MACROD1: variants seen among roughly 807,000 people sequenced by gnomAD.
MACROD1 encodes mono-ADP ribosylhydrolase 1.
A neutral mutation model predicts 41.4 loss-of-function variants in MACROD1; 31 were observed. That is an observed-to-expected ratio of 0.75 (90% CI 0.56 to 1.01). MACROD1 has a LOEUF of 1.01. Among genes scored for constraint, MACROD1 ranks in the 50% least tolerant of loss-of-function variants. MACROD1 has a pLI of 0.00. For missense variants in MACROD1, 473 were observed against 460.0 expected, an observed-to-expected ratio of 1.03 and a Z score of -0.26; for synonymous variants, 252 against 203.4, an observed-to-expected ratio of 1.24 and a Z score of -2.03.
chr11:64,056,293 C>T (rs1943784214), intron 3 of MACROD1, among the ~76,000 whole-genome samples: 1 of 152,090 alleles, frequency 6.6e-6, no homozygotes, highest in African/African-American at 2.4e-5. Flanking sequence ...AGGGTCCCTG[C>T]TGCAGCCCCT....
In MACROD1 at chr11:64,064,951, G is replaced by C. The variant is rs1943969763; in HGVS notation, c.518-49670C>G. Reference sequence around the variant, plus strand: ...GCAGGAGGGCCACCATGGTGACTGAGACAGACTCAGGGTCTTTCCCTACAC... The same window carrying C: ...GCAGGAGGGCCACCATGGTGACTGACACAGACTCAGGGTCTTTCCCTACAC... On this transcript the variant is annotated intron_variant, in intron 3 of 10. Coordinates refer to ENST00000255681, the MANE Select transcript of MACROD1 (RefSeq NM_014067.4). This position sits in a 1 kb window ranked among gnomAD's most constrained non-coding sequence, Gnocchi z 4.5. 6.6e-6 allele frequency among the ~76,000 whole-genome samples: 1 copy of C among 151,518 alleles called. No individual in the cohort carries two copies. Among genetic ancestry groups the C allele is most frequent in the Non-Finnish European group, 1.5e-5 (1 of 67,884 alleles).
intron 3 of MACROD1, among the ~76,000 whole-genome samples, chr11:64,088,753 G>C (rs1313486084): frequency 6.6e-6 from 1 of 152,158 alleles, no homozygotes. Context: ...AAGAGCACGA[G>C]ATGAACGACA....
chr11:64,039,988 C>A (rs1943454491), intron 3 of MACROD1, among the ~76,000 whole-genome samples: 1 of 152,228 alleles, frequency 6.6e-6, no homozygotes, highest in Non-Finnish European at 1.5e-5. Context: ...CCTGGCTCTT[C>A]TGTTTTCCCT....
intron 4 of MACROD1, among the ~76,000 whole-genome samples, chr11:64,014,007 T>A (rs1484184994): frequency 1.3e-5 from 2 of 151,840 alleles, no homozygotes; most frequent in Non-Finnish European, 1.5e-5. Flanking sequence ...ACACCACAGA[T>A]CACCCTGTGT....
chr11:64,148,058 G>A (rs1244387054), intron 3 of MACROD1, among the ~76,000 whole-genome samples: 1 of 152,114 alleles, frequency 6.6e-6, no homozygotes, highest in Non-Finnish European at 1.5e-5. Flanking sequence ...ATTCTCAATG[G>A]CCTGACGGAG....
At chr11:64,048,112 G>C (rs1294081153) in intron 3 of MACROD1, among the ~76,000 whole-genome samples, 1 of 152,174 alleles carries the variant, frequency 6.6e-6, no homozygotes, top group African/African-American at 2.4e-5. Context: ...GGAGGCAGTG[G>C]GCCCAGAAGC....
In MACROD1 at chr11:64,073,843, C is replaced by T. The variant is rs1401182333; in HGVS notation, c.518-58562G>A. The stretch of plus-strand genomic sequence containing the variant: ...GGAGGGGGGCCCACAGCCCCCAGAG[C>T]CTTGCAGGGCCAGAGATGCAGTTGG... On this transcript the variant is annotated intron_variant, in intron 3 of 10. Transcript: ENST00000255681. 7.2e-5 allele frequency among the ~76,000 whole-genome samples: 11 copies of T among 152,260 alleles called. No individual in the cohort carries two copies. In the East Asian group the frequency reaches 2.1e-3, roughly 29 times the overall value.
rs1945837727 is a variant in MACROD1 at position 64,165,933 on chromosome 11, A to T, written c.62T>A (p.Leu21His). 1 of 1,323,664 alleles carries T rather than the reference A, an allele frequency of 7.6e-7. No individual in the cohort carries two copies. Among genetic ancestry groups the T allele is most frequent in the Admixed American group, 4.1e-5 (1 of 24,200 alleles). 82.0% of individuals were successfully genotyped at this position (1,323,664 alleles called of 1,614,324 possible). The part of the protein sequence containing the change: ...LAQLRAAGQL[L>H]VPPRPRPGHL... Reference sequence around the variant, plus strand: ...TCCGGGCCGGGGGCGCGGGGGGACGAGCAGCTGCCCCGCCGCGCGCAGCTG... The same window carrying T: ...TCCGGGCCGGGGGCGCGGGGGGACGTGCAGCTGCCCCGCCGCGCGCAGCTG... The change falls in exon 1 of 11, where the codon CTC becomes CAC. Residue 21 changes from leucine to histidine, a missense_variant. By Grantham distance (99) the Leu-to-His change is moderately conservative (BLOSUM62 -3). Transcript: ENST00000255681.
chr11:64,075,258 T>C (rs1944180283), intron 3 of MACROD1, among the ~76,000 whole-genome samples: 2 of 152,230 alleles, frequency 1.3e-5, no homozygotes, highest in Admixed American at 1.3e-4. Flanking sequence ...CATGTCTAGA[T>C]AGGCTGGGAC....
intron 3 of MACROD1, among the ~76,000 whole-genome samples, chr11:64,021,802 G>T (rs79658116): frequency 2.6e-5 from 4 of 151,992 alleles, no homozygotes; most frequent in Non-Finnish European, 5.9e-5. Flanking sequence ...GACACGGATG[G>T]GGCAGCCCTG....
intron 3 of MACROD1, among the ~76,000 whole-genome samples, chr11:64,035,750 C>G (rs1408360857): frequency 6.8e-5 from 10 of 147,110 alleles, no homozygotes; most frequent in Non-Finnish European, 1.1e-4. Context: ...TCTCCCTCCC[C>G]GCTCCGCGCC....
intron 3 of MACROD1, among the ~76,000 whole-genome samples, chr11:64,125,902 G>C (rs941821867): frequency 3.9e-5 from 6 of 152,182 alleles, no homozygotes; most frequent in Non-Finnish European, 8.8e-5. Flanking sequence ...GGAACTCATC[G>C]GGCTTCCTCT....
intron 1 of MACROD1, among the ~76,000 whole-genome samples, chr11:64,163,926 A>C (rs532399292): frequency 6.6e-6 from 1 of 152,214 alleles, no homozygotes; most frequent in East Asian, 1.9e-4. Context: ...GGCCTGGCCC[A>C]CTGTCACTCA....
At position 64,036,927 on chromosome 11, in the gene MACROD1, G is replaced by C. The variant is rs1316405750; in HGVS notation, c.518-21646C>G. On this transcript the variant is annotated intron_variant, in intron 3 of 10. Coordinates refer to ENST00000255681, the MANE Select transcript of MACROD1 (RefSeq NM_014067.4). The surrounding 1 kb of genome is among the most constrained non-coding windows in gnomAD (Gnocchi z 5.6). Reference sequence around the variant, plus strand: ...GGCTGGGGAGTGTTGTCGCCCAGCTGCAGGGAACCGTGGTTGATCAGAGCT... The same window carrying C: ...GGCTGGGGAGTGTTGTCGCCCAGCTCCAGGGAACCGTGGTTGATCAGAGCT... Among the ~76,000 whole-genome samples, 1 of 152,222 alleles carries C rather than the reference G, an allele frequency of 6.6e-6. No homozygotes were observed. The highest frequency in any genetic ancestry group is 1.9e-4 in the East Asian group (1 of 5,170).
At chr11:64,000,717 C>T (rs1297423550) in intron 4 of MACROD1, among the ~76,000 whole-genome samples, 1 of 152,180 alleles carries the variant, frequency 6.6e-6, no homozygotes, top group African/African-American at 2.4e-5. Flanking sequence ...GCTTCCTCCC[C>T]GACGCCCCTC....
intron 3 of MACROD1, among the ~76,000 whole-genome samples, chr11:64,027,599 C>T (rs1264016610): frequency 6.6e-6 from 1 of 152,094 alleles, no homozygotes; most frequent in Non-Finnish European, 1.5e-5. Flanking sequence ...CTTCCACCAC[C>T]CTCTGCAGGA....
chr11:64,146,983 C>T lies in MACROD1; in HGVS notation c.517+4256G>A, dbSNP rs971519962. Among the ~76,000 whole-genome samples the T allele has an allele frequency of 2.0e-5, 3 of 152,162 alleles. No homozygotes were observed. The highest frequency in any genetic ancestry group is 2.9e-5 in the Non-Finnish European group (2 of 68,032). ...CATCACACACATCCCAATCACATCT[C>T]ATAGCCCAATAATGTAAGAGTGGAA... On this transcript the variant is annotated intron_variant, in intron 3 of 10. Coordinates refer to ENST00000255681, the MANE Select transcript of MACROD1 (RefSeq NM_014067.4). The surrounding 1 kb of genome is among the most constrained non-coding windows in gnomAD (Gnocchi z 4.7).
At chr11:64,000,106 G>A (rs1174265309) in intron 5 of MACROD1, 121 bp downstream of exon 5, 1 of 758,240 alleles carries the variant, frequency 1.3e-6, no homozygotes, top group African/African-American at 1.8e-5. Flanking sequence ...TGGCCCTTAA[G>A]GTTAAGAAGG....
chr11:64,156,359 T>C (rs1159402127), intron 1 of MACROD1, among the ~76,000 whole-genome samples: 1 of 152,216 alleles, frequency 6.6e-6, no homozygotes, highest in East Asian at 1.9e-4. Context: ...GGCATGCCAC[T>C]GTGTGGGCAC....
Sources: gnomAD v4.1 joint callset for allele counts (sites outside exome capture counted in the v4.1 genomes callset) on GRCh38, gnomAD v4.1.1 for gene constraint, Gnocchi (gnomAD v3.1) non-coding constraint, MANE v1.5 for transcripts, NCBI Gene and HGNC (gene_info 2026-07-23, HGNC 2026-07-21) for gene names.